CCSER1: variants seen among roughly 807,000 people sequenced by gnomAD.
CCSER1 encodes the protein serine-rich coiled-coil domain-containing protein 1.
A neutral mutation model predicts 82.0 loss-of-function variants in CCSER1; 41 were observed. The observed-to-expected ratio is 0.50, with a 90% confidence interval of 0.39 to 0.65. The LOEUF (loss-of-function observed/expected upper bound fraction) is 0.65, where lower values mean the gene tolerates loss of function less well. CCSER1 is among the 30% of genes least tolerant of loss of function. The probability of loss-of-function intolerance (pLI) is 0.00; values close to 1 mark genes in which losing one functional copy is unlikely to be tolerated. For synonymous variants in CCSER1, 414 were observed against 383.9 expected, an observed-to-expected ratio of 1.08 and a Z score of -0.92; for missense variants, 1,119 against 1,064.2, an observed-to-expected ratio of 1.05 and a Z score of -0.72.
intron 8 of CCSER1, among the ~76,000 whole-genome samples, chr4:90,835,122 C>G (rs4404510): frequency 0.6 from 90,441 of 151,932 alleles, 27,700 homozygotes; most frequent in African/African-American, 0.74. Flanking sequence ...ACGAGGTCAG[C>G]AGATTAAGAC....
intron 10 of CCSER1, among the ~76,000 whole-genome samples, chr4:91,411,525 T>TATATATATATATAA: frequency 7.7e-6 from 1 of 129,564 alleles, no homozygotes; most frequent in East Asian, 2.5e-4. Flanking sequence ...TATATATATA[T>TATATATATATATAA]AAAATCTTGA....
intron 10 of CCSER1, among the ~76,000 whole-genome samples, chr4:91,380,579 T>C (rs1578317199): frequency 1.3e-5 from 2 of 152,190 alleles, no homozygotes; most frequent in Admixed American, 1.3e-4. Flanking sequence ...CCCTGCCTTT[T>C]TTTGTTTTCC....
intron 5 of CCSER1, among the ~76,000 whole-genome samples, 171 bp from the exon 6 acceptor site, chr4:90,627,854 G>A (rs1023318688): frequency 2.0e-5 from 3 of 151,604 alleles, no homozygotes; most frequent in Non-Finnish European, 2.9e-5. Flanking sequence ...CCAGCCTGGG[G>A]GACAGAGTGA....
chr4:90,783,777 A>G (rs1176119412), intron 7 of CCSER1, among the ~76,000 whole-genome samples: 1 of 152,218 alleles, frequency 6.6e-6, no homozygotes, highest in Non-Finnish European at 1.5e-5. Flanking sequence ...TGTGATGGTT[A>G]ATTTTATAAT....
At chr4:91,044,025 T>C in intron 9 of CCSER1, among the ~76,000 whole-genome samples, 1 of 152,134 alleles carries the variant, frequency 6.6e-6, no homozygotes. Context: ...ACTTTATACA[T>C]ACAAAGACCC....
intron 10 of CCSER1, among the ~76,000 whole-genome samples, chr4:91,262,558 G>A (rs1197607390): frequency 6.6e-6 from 1 of 151,902 alleles, no homozygotes; most frequent in Non-Finnish European, 1.5e-5. Flanking sequence ...AAGTATAGAA[G>A]GGGATTATAG....
intron 10 of CCSER1, among the ~76,000 whole-genome samples, chr4:91,570,799 A>G (rs1423502904): frequency 6.6e-6 from 1 of 152,172 alleles, no homozygotes; most frequent in Admixed American, 6.5e-5. Context: ...TGTCTTGCTG[A>G]TTAACATTTG....
chr4:90,491,831 A>G lies in CCSER1; in HGVS notation c.1724+23477A>G, dbSNP rs536209232. 8.9e-3 allele frequency among the ~76,000 whole-genome samples: 1,350 copies of G among 152,048 alleles called. 15 individuals carry two copies. Among genetic ancestry groups the G allele is most frequent in the Non-Finnish European group, 0.01 (707 of 67,948 alleles). ...TGCTGGATTAAGTTTATTGATTTGC[A>G]TATGTTGAACCAGCCTTGCATCCCA... On this transcript the variant is annotated intron_variant, in intron 5 of 10. Coordinates refer to ENST00000509176, the MANE Select transcript of CCSER1 (RefSeq NM_001145065.2).
chr4:91,558,058 T>G (rs555943311), intron 10 of CCSER1, among the ~76,000 whole-genome samples: 1 of 150,618 alleles, frequency 6.6e-6, no homozygotes, highest in African/African-American at 2.4e-5. Context: ...CAAAGAATTT[T>G]TACTCTTAAT....
At chr4:90,418,454 A>C (rs1003727885) in intron 4 of CCSER1, among the ~76,000 whole-genome samples, 15 of 152,010 alleles carry the variant, frequency 9.9e-5, no homozygotes, top group Admixed American at 7.9e-4. Context: ...TAAGCTTATA[A>C]AATTATAGCA....
chr4:90,281,688 A>T lies in CCSER1; in HGVS notation c.-41-26556A>T, dbSNP rs76472657. The stretch of plus-strand genomic sequence containing the variant: ...TACTGCCATTCTCAAGTCTATTTTT[A>T]TCTGTATTAGCTTTTTCTTTATGGT... On this transcript the variant is annotated intron_variant, in intron 1 of 10. Transcript: ENST00000509176. Among the ~76,000 whole-genome samples the T allele has an allele frequency of 0.02, 2,968 of 152,064 alleles. 182 individuals are homozygous for T. In the East Asian group the frequency reaches 0.23, roughly 12 times the overall value.
chr4:90,969,546 A>C (rs910254499), intron 9 of CCSER1, among the ~76,000 whole-genome samples: 9 of 151,962 alleles, frequency 5.9e-5, no homozygotes, highest in Admixed American at 6.6e-5. Flanking sequence ...TACTACACCC[A>C]CAAAAACTGT....
Position 91,167,336 on chromosome 4 carries a change from C to A in CCSER1, c.2217+81342C>A, listed in dbSNP as rs1293688828. Reference sequence around the variant, plus strand: ...GAGTAGCTGGGATTACAAGTGCCTGCCACCATGCCCAGCTAATTTTTGTAT... The same window carrying A: ...GAGTAGCTGGGATTACAAGTGCCTGACACCATGCCCAGCTAATTTTTGTAT... On this transcript the variant is annotated intron_variant, in intron 10 of 10. Coordinates refer to ENST00000509176, the MANE Select transcript of CCSER1 (RefSeq NM_001145065.2). 5.9e-5 allele frequency among the ~76,000 whole-genome samples: 9 copies of A among 152,020 alleles called. No homozygotes were observed. The East Asian group carries it at 1.7e-3, about 29-fold the overall frequency.
At chr4:90,335,229 G>A (rs539162634) in intron 3 of CCSER1, among the ~76,000 whole-genome samples, 3 of 152,254 alleles carry the variant, frequency 2.0e-5, no homozygotes, top group South Asian at 2.1e-4. Flanking sequence ...ATACGTCATG[G>A]CAAAGAAAGA....
chr4:91,470,296 T>C (rs1370261041), intron 10 of CCSER1, among the ~76,000 whole-genome samples: 1 of 152,198 alleles, frequency 6.6e-6, no homozygotes, highest in Non-Finnish European at 1.5e-5. Context: ...TTTTTAAAGC[T>C]AATATGCTAA....
intron 7 of CCSER1, among the ~76,000 whole-genome samples, chr4:90,733,955 T>C (rs1745211128): frequency 6.6e-6 from 1 of 152,098 alleles, no homozygotes; most frequent in South Asian, 2.1e-4. Flanking sequence ...AGTCAGGTAA[T>C]GTGATTCCTC....
At chr4:91,178,110 G>C (rs1733597913) in intron 10 of CCSER1, among the ~76,000 whole-genome samples, 1 of 152,178 alleles carries the variant, frequency 6.6e-6, no homozygotes, top group Non-Finnish European at 1.5e-5. Flanking sequence ...TTTCCATGTA[G>C]TTGAGCGGTT....
At chr4:90,855,849 T>C (rs1257203592) in intron 8 of CCSER1, among the ~76,000 whole-genome samples, 1 of 152,180 alleles carries the variant, frequency 6.6e-6, no homozygotes. Context: ...CACAGTGGCA[T>C]TTTAAATATT....
intron 8 of CCSER1, among the ~76,000 whole-genome samples, chr4:90,861,928 T>TATATATATATATATATATATA (rs1561265442): frequency 3.6e-4 from 39 of 109,332 alleles, no homozygotes; most frequent in African/African-American, 1.0e-3. Context: ...ATATATATAT[T>TATATATATATATATATATATA]TTTTTTTTCT....
Sources: gnomAD v4.1 joint callset for allele counts (sites outside exome capture counted in the v4.1 genomes callset) on GRCh38, gnomAD v4.1.1 for gene constraint, MANE v1.5 for transcripts, NCBI Gene and HGNC (gene_info 2026-07-23, HGNC 2026-07-21) for gene names.